TTC23L: variants seen among roughly 807,000 people sequenced by gnomAD.
The protein encoded by TTC23L is tetratricopeptide repeat protein 23-like.
Under a neutral mutation model 48.1 loss-of-function variants are expected in TTC23L, and 42 were observed. The observed-to-expected ratio is 0.87, with a 90% CI of 0.68 to 1.13. The LOEUF (loss-of-function observed/expected upper bound fraction) is 1.13. Ranked by LOEUF, TTC23L falls within the 50% of genes most tolerant of loss-of-function variation. The probability of loss-of-function intolerance (pLI) is 0.00; values close to 1 mark genes in which losing one functional copy is unlikely to be tolerated. For missense variants in TTC23L, 391 were observed against 421.0 expected, an observed-to-expected ratio of 0.93 and a Z score of 0.62; for synonymous variants, 159 against 157.2, an observed-to-expected ratio of 1.01 and a Z score of -0.09.
intron 9 of TTC23L, among the ~76,000 whole-genome samples, chr5:34,883,917 G>A (rs1379357408): frequency 6.6e-6 from 1 of 152,118 alleles, no homozygotes; most frequent in African/African-American, 2.4e-5. Context: ...TATGAGGCCA[G>A]CATTACTCTG....
At chr5:34,887,379 G>A (rs1033661622) in intron 9 of TTC23L, among the ~76,000 whole-genome samples, 1 of 152,098 alleles carries the variant, frequency 6.6e-6, no homozygotes, top group Non-Finnish European at 1.5e-5. Flanking sequence ...AGATGAAATG[G>A]AAAATGATGA....
the TTC23L span, chr5:34,925,159 GT>G: frequency 3.4e-6 from 5 of 1,462,418 alleles, no homozygotes; most frequent in African/African-American, 7.2e-5. Flanking sequence ...ATAACTGAAA[GT>G]CTTTGCCTTA....
intron 3 of TTC23L, among the ~76,000 whole-genome samples, chr5:34,845,944 C>T (rs910090309): frequency 6.6e-6 from 1 of 152,142 alleles, no homozygotes; most frequent in Non-Finnish European, 1.5e-5. Context: ...TGCGTGTAAT[C>T]CCAACACCTT....
the TTC23L span, chr5:34,924,833 C>T: frequency 1.1e-5 from 18 of 1,580,604 alleles, no homozygotes; most frequent in South Asian, 1.6e-4. Context: ...TGAAATGTTT[C>T]CTTTTTATTA....
At chr5:34,864,156 A>G (rs1268180011) in intron 5 of TTC23L, among the ~76,000 whole-genome samples, 1 of 152,192 alleles carries the variant, frequency 6.6e-6, no homozygotes, top group African/African-American at 2.4e-5. Context: ...TCTAAAGGAA[A>G]TCGAGTGTAA....
the TTC23L span, among the ~76,000 whole-genome samples, chr5:34,923,922 C>G: frequency 6.7e-6 from 1 of 148,782 alleles, no homozygotes; most frequent in Non-Finnish European, 1.5e-5. Flanking sequence ...ATATATTTAA[C>G]TTTATAGAAA....
chr5:34,864,442 G>GTTCT lies in TTC23L; in HGVS notation c.542_543insTTCT (p.Arg181SerfsTer23), dbSNP rs778284948. On this transcript the variant is annotated frameshift_variant, in exon 6 of 11. Transcript: ENST00000505624. LOFTEE classifies it high-confidence loss of function. ...ATTTTCCTTGACTATTTCACTGGCA[G>GTTCT]AGAAGCCTATTTCAACCTGCAGAAG... 3.1e-6 allele frequency: 5 copies of GTTCT among 1,613,554 alleles called. No homozygotes were observed. The African/African-American group carries it at 6.7e-5, about 22-fold the overall frequency.
chr5:34,849,593 T>C (rs1296471332), intron 3 of TTC23L, among the ~76,000 whole-genome samples: 2 of 152,238 alleles, frequency 1.3e-5, no homozygotes, highest in Non-Finnish European at 2.9e-5. Flanking sequence ...ATTTCTGTGA[T>C]TAGATAAGGA....
At chr5:34,862,460 T>C (rs1242154405) in intron 4 of TTC23L, among the ~76,000 whole-genome samples, 2 of 152,238 alleles carry the variant, frequency 1.3e-5, no homozygotes, top group African/African-American at 4.8e-5. Flanking sequence ...GGTCAGCTTC[T>C]ATAATTATTA....
At chr5:34,862,858 A>T in intron 4 of TTC23L, 40 bp from the exon 5 acceptor site, 1 of 1,609,314 alleles carries the variant, frequency 6.2e-7, no homozygotes, top group Non-Finnish European at 8.5e-7. Context: ...ATGCCTTTTT[A>T]ATGTCTGTCT....
chr5:34,873,185 A>G (rs1194624269), intron 8 of TTC23L, among the ~76,000 whole-genome samples: 3 of 152,266 alleles, frequency 2.0e-5, no homozygotes, highest in Non-Finnish European at 4.4e-5. Flanking sequence ...ACTATTGTTT[A>G]TAGTTACATT....
intron 4 of TTC23L, among the ~76,000 whole-genome samples, chr5:34,852,824 C>G (rs1431943724): frequency 1.3e-5 from 2 of 152,100 alleles, no homozygotes; most frequent in Non-Finnish European, 2.9e-5. Context: ...TATGGATTCA[C>G]AGTTTCATGT....
At position 34,873,075 on chromosome 5, in the gene TTC23L, G is replaced by GA. The variant is rs983344692; in HGVS notation, c.949+4074dup. Among the ~76,000 whole-genome samples the GA allele has an allele frequency of 3.6e-3, 404 of 113,216 alleles. 2 individuals are homozygous for GA. The highest frequency in any genetic ancestry group is 5.2e-3 in the Admixed American group (61 of 11,670). 74.3% of individuals were successfully genotyped at this position (113,216 alleles called of 152,430 possible). On this transcript the variant is annotated intron_variant, in intron 8 of 10. Transcript: ENST00000505624. ...GAGACTCCGTCTCAAGAAAAGAAAA[G>GA]AAAAAAAAAAAAGGACCGGACTATA...
chr5:34,887,717 C>A (rs1762624991), intron 9 of TTC23L, among the ~76,000 whole-genome samples: 1 of 151,920 alleles, frequency 6.6e-6, no homozygotes, highest in African/African-American at 2.4e-5. Context: ...AGAGAGGGGT[C>A]TCATGAGAAA....
chr5:34,876,168 AAAG>A (rs1761817356), intron 8 of TTC23L, among the ~76,000 whole-genome samples: 2 of 152,204 alleles, frequency 1.3e-5, no homozygotes, highest in South Asian at 4.1e-4. Flanking sequence ...GCATATTAGA[AAAG>A]AGATCTAAAA....
chr5:34,911,578 A>T, the TTC23L span: 6 of 1,614,216 alleles, frequency 3.7e-6, no homozygotes, highest in East Asian at 1.1e-4. Flanking sequence ...GTCAGGAGAC[A>T]TGGTAATTTG....
chr5:34,913,500 A>C, the TTC23L span: 218 of 1,596,074 alleles, frequency 1.4e-4, no homozygotes, highest in Non-Finnish European at 1.7e-4. Context: ...AAAATAGATA[A>C]ACAGTCTAAA....
chr5:34,918,236 G>C, the TTC23L span: 2 of 523,844 alleles, frequency 3.8e-6, no homozygotes, highest in Non-Finnish European at 3.4e-6. Flanking sequence ...ACTTACTTGA[G>C]CCCAGGAACT....
At chr5:34,915,157 A>T in the TTC23L span, among the ~76,000 whole-genome samples, 1 of 152,344 alleles carries the variant, frequency 6.6e-6, no homozygotes, top group African/African-American at 2.4e-5. Context: ...GTAAGAGGAC[A>T]ATAACGTGAA....
Sources: allele counts gnomAD v4.1 joint callset (sites outside exome capture counted in the v4.1 genomes callset), GRCh38; gene constraint gnomAD v4.1.1; transcripts MANE v1.5; gene names NCBI Gene and HGNC (gene_info 2026-07-23, HGNC 2026-07-21).